The following CDH13 variants were observed in gnomAD, a reference collection of about 807,000 sequenced individuals.
CDH13 encodes cadherin-13.
Under a neutral mutation model 63.8 loss-of-function variants are expected in CDH13, and 24 were observed. That is an observed-to-expected ratio of 0.38 (90% confidence interval 0.27 to 0.53). The LOEUF (loss-of-function observed/expected upper bound fraction) is 0.53, where lower values mean the gene tolerates loss of function less well. Among genes scored for constraint, CDH13 ranks in the 20% least tolerant of loss-of-function variants. The pLI is 0.85. For synonymous variants in CDH13, 503 were observed against 355.3 expected (o/e 1.42, Z -4.67); for missense variants, 1,049 against 903.1 (o/e 1.16, Z -2.07).
At chr16:83,445,463 G>A (rs1318492135) in intron 6 of CDH13, among the ~76,000 whole-genome samples, 1 of 152,056 alleles carries the variant, frequency 6.6e-6, no homozygotes, top group African/African-American at 2.4e-5. Context: ...AGGCTTCTGG[G>A]TCATTAAGGA....
At chr16:83,793,905 A>G (rs1273538025) in intron 13 of CDH13, among the ~76,000 whole-genome samples, 1 of 152,284 alleles carries the variant, frequency 6.6e-6, no homozygotes, top group East Asian at 1.9e-4. Context: ...GCCTGATATA[A>G]TCACAGAGTC....
intron 2 of CDH13, among the ~76,000 whole-genome samples, chr16:82,948,482 T>C (rs538379680): frequency 6.6e-6 from 1 of 152,322 alleles, no homozygotes; most frequent in South Asian, 2.1e-4. Flanking sequence ...TTGTGTTTCT[T>C]CCTTGAAGAA....
intron 2 of CDH13, among the ~76,000 whole-genome samples, chr16:83,024,215 C>G (rs1915599055): frequency 1.3e-5 from 2 of 152,014 alleles, no homozygotes; most frequent in South Asian, 2.1e-4. Flanking sequence ...GATACAAGGA[C>G]AAACTTTTTT....
chr16:82,970,682 G>T (rs1265080876), intron 2 of CDH13, among the ~76,000 whole-genome samples: 2 of 151,960 alleles, frequency 1.3e-5, no homozygotes, highest in African/African-American at 4.8e-5. Flanking sequence ...ATATTCTTAA[G>T]GGCTCAGCTT....
chr16:83,273,069 G>A (rs563294641), intron 5 of CDH13, among the ~76,000 whole-genome samples: 82 of 152,162 alleles, frequency 5.4e-4, no homozygotes, highest in African/African-American at 1.8e-3. Context: ...CACTTGTTGT[G>A]GGGGGAAGCA....
intron 6 of CDH13, among the ~76,000 whole-genome samples, chr16:83,450,328 G>A (rs1019323316): frequency 6.6e-6 from 1 of 152,108 alleles, no homozygotes; most frequent in Non-Finnish European, 1.5e-5. Flanking sequence ...TTTGAAGTAC[G>A]TGGTCCCTGG....
At chr16:82,866,061 T>C (rs1470218700) in intron 2 of CDH13, among the ~76,000 whole-genome samples, 2 of 152,190 alleles carry the variant, frequency 1.3e-5, no homozygotes, top group African/African-American at 4.8e-5. Context: ...GCCAGTCTCT[T>C]TGCTAAAGTA....
chr16:83,793,354 C>T (rs1447752099), intron 13 of CDH13, among the ~76,000 whole-genome samples: 2 of 152,142 alleles, frequency 1.3e-5, no homozygotes, highest in Admixed American at 1.3e-4. Context: ...CAGAGCCTCT[C>T]CCAGCCAACA....
intron 3 of CDH13, among the ~76,000 whole-genome samples, chr16:83,123,151 T>A (rs1408583653): frequency 1.3e-5 from 2 of 152,084 alleles, no homozygotes; most frequent in African/African-American, 4.8e-5. Flanking sequence ...TGCGTGTGTG[T>A]GTATGAGTAT....
At chr16:82,991,351 A>G (rs575690847) in intron 2 of CDH13, among the ~76,000 whole-genome samples, 2 of 152,208 alleles carry the variant, frequency 1.3e-5, no homozygotes, top group Non-Finnish European at 2.9e-5. Flanking sequence ...ATATCTTAAT[A>G]TGCCTTCCTC....
chr16:83,707,023 A>G (rs997053940), intron 10 of CDH13, among the ~76,000 whole-genome samples: 5 of 152,218 alleles, frequency 3.3e-5, no homozygotes, highest in Non-Finnish European at 5.9e-5. Flanking sequence ...GGGAAAATGC[A>G]GGTGTCCCCA....
intron 5 of CDH13, among the ~76,000 whole-genome samples, chr16:83,321,654 G>T (rs2090228538): frequency 6.7e-6 from 1 of 149,508 alleles, no homozygotes; most frequent in Admixed American, 6.8e-5. Flanking sequence ...TCAGCCTCCT[G>T]AGTAGCTGGG....
In CDH13 at chr16:82,842,149, TATATATATATATATACACACACAC is replaced by T. The variant is rs1567590587; in HGVS notation, c.46-16211_46-16188del. 3.3e-3 allele frequency among the ~76,000 whole-genome samples: 124 copies of T among 37,604 alleles called. 3 individuals carry two copies. Among genetic ancestry groups the T allele is most frequent in the Non-Finnish European group, 6.3e-3 (105 of 16,678 alleles). The allele number at this position is 37,604 out of a possible 152,430, so 24.7% of individuals were successfully genotyped here. ...ATATATATATATATACACATATATA[TATATATATATATATACACACACAC>T]ACATATATATACACATATATGTATA... On this transcript the variant is annotated intron_variant, in intron 1 of 13. Coordinates refer to ENST00000567109, the MANE Select transcript of CDH13 (RefSeq NM_001257.5).
intron 2 of CDH13, among the ~76,000 whole-genome samples, chr16:82,925,765 C>G (rs1321386937): frequency 6.6e-6 from 1 of 152,214 alleles, no homozygotes; most frequent in Non-Finnish European, 1.5e-5. Flanking sequence ...AGCTCTCGCA[C>G]CCTCTCTGCC....
In CDH13 at chr16:83,792,466, G is replaced by T. The variant is rs147765360; in HGVS notation, c.2135-2557G>T. Among the ~76,000 whole-genome samples, 3 of 152,304 alleles carry T rather than the reference G, an allele frequency of 2.0e-5. No individual in the cohort carries two copies. In the East Asian group the frequency reaches 5.8e-4, roughly 29 times the overall value. ...TTTTATGCAGCCAAAGATGTTTCTTGTTGTTGTTGTTGTTCTTGCTTTTAA... is the reference window on the plus strand; with the variant it reads ...TTTTATGCAGCCAAAGATGTTTCTTTTTGTTGTTGTTGTTCTTGCTTTTAA... On this transcript the variant is annotated intron_variant, in intron 13 of 13. Transcript: ENST00000567109.
At chr16:82,809,040 A>G (rs184037988) in intron 1 of CDH13, among the ~76,000 whole-genome samples, 68 of 152,246 alleles carry the variant, frequency 4.5e-4, no homozygotes, top group East Asian at 1.4e-3. Flanking sequence ...GAACATGCAT[A>G]TACATATGTA....
intron 2 of CDH13, among the ~76,000 whole-genome samples, chr16:82,904,757 G>A (rs1294442671): frequency 6.6e-6 from 1 of 152,142 alleles, no homozygotes; most frequent in Non-Finnish European, 1.5e-5. Flanking sequence ...GTATTTACCA[G>A]AGCCAGCCTT....
intron 1 of CDH13, among the ~76,000 whole-genome samples, chr16:82,749,235 C>T (rs770141207): frequency 6.6e-5 from 10 of 152,108 alleles, no homozygotes; most frequent in Admixed American, 2.6e-4. Flanking sequence ...TTATTCAAAT[C>T]CCTGGATCCA....
At chr16:82,829,252 C>T (rs544335144) in intron 1 of CDH13, 2 of 152,346 alleles carry the variant, frequency 1.3e-5, no homozygotes, top group African/African-American at 4.8e-5. Flanking sequence ...TATCCCCTCT[C>T]CTTCTACCCC....
Sources: gnomAD v4.1 joint callset for allele counts (sites outside exome capture counted in the v4.1 genomes callset) on GRCh38, gnomAD v4.1.1 for gene constraint, MANE v1.5 for transcripts, NCBI Gene and HGNC (gene_info 2026-07-23, HGNC 2026-07-21) for gene names.